Variants in PDE11A observed in about 807,000 individuals in gnomAD.
The protein encoded by PDE11A is phosphodiesterase 11A, also known as dual 3',5'-cyclic-AMP and -GMP phosphodiesterase 11A.
A neutral mutation model predicts 100.5 loss-of-function variants in PDE11A; 100 were observed. That is an observed-to-expected ratio of 1.00 (90% CI 0.85 to 1.18). The LOEUF (loss-of-function observed/expected upper bound fraction) is 1.18. Ranked by LOEUF, PDE11A falls within the 50% of genes most tolerant of loss-of-function variation. The pLI is 0.00. For missense variants in PDE11A, 1,141 were observed against 1,152.6 expected (o/e 0.99, Z 0.15); for synonymous variants, 381 against 420.8 (o/e 0.91, Z 1.16).
At chr2:177,926,717 T>A (rs1412246753) in intron 2 of PDE11A, among the ~76,000 whole-genome samples, 2 of 152,162 alleles carry the variant, frequency 1.3e-5, no homozygotes, top group South Asian at 4.3e-4. Flanking sequence ...GTGGTACAGA[T>A]AATATTTTAT....
At chr2:177,946,093 A>G (rs1426483004) in intron 2 of PDE11A, among the ~76,000 whole-genome samples, 1 of 82,826 alleles carries the variant, frequency 1.2e-5, no homozygotes, top group African/African-American at 5.4e-5. Context: ...CCCGTCCGGG[A>G]TGGAGGTGGG....
intron 2 of PDE11A, among the ~76,000 whole-genome samples, chr2:177,977,190 C>T (rs867676894): frequency 0.072 from 3,131 of 43,748 alleles, 157 homozygotes; most frequent in East Asian, 0.11. Context: ...TCTAGAAAAC[C>T]CCATCGTCTC....
intron 9 of PDE11A, among the ~76,000 whole-genome samples, chr2:177,799,355 T>C (rs1321194014): frequency 6.6e-6 from 1 of 152,170 alleles, no homozygotes; most frequent in East Asian, 1.9e-4. Context: ...TCATTAATTA[T>C]AACAAATGTA....
Position 178,071,922 on chromosome 2 carries a change from G to A in PDE11A, c.516C>T (p.Leu172=), listed in dbSNP as rs924238753. The change falls in exon 1 of 20, where the codon CTC becomes CTT. Residue 172 remains leucine (L), a synonymous_variant. Transcript: ENST00000286063. ...SSLPPTTAHI[L]SALLESRVNL... ...TCACTCTCGATTCCAGCAGCGCACT[G>A]AGAATATGGGCTGTGGTGGGGGGCA... 6.2e-7 allele frequency: 1 copy of A among 1,613,858 alleles called. No homozygotes were observed. The highest frequency in any genetic ancestry group is 2.2e-5 in the East Asian group (1 of 44,872).
At chr2:178,013,038 C>T (rs1331326202) in intron 2 of PDE11A, among the ~76,000 whole-genome samples, 3 of 152,198 alleles carry the variant, frequency 2.0e-5, no homozygotes, top group Non-Finnish European at 4.4e-5. Context: ...ACAACGTCCT[C>T]TCCTTCTCAT....
intron 2 of PDE11A, among the ~76,000 whole-genome samples, chr2:177,985,780 A>G (rs1353970413): frequency 1.3e-5 from 2 of 152,250 alleles, no homozygotes; most frequent in African/African-American, 4.8e-5. Flanking sequence ...CAGTACAAAG[A>G]CAAAAAGTGG....
At chr2:177,846,533 T>A (rs1181567527) in intron 5 of PDE11A, among the ~76,000 whole-genome samples, 1 of 152,164 alleles carries the variant, frequency 6.6e-6, no homozygotes, top group African/African-American at 2.4e-5. Flanking sequence ...GCTCATCACC[T>A]CCCCCTGATT....
intron 7 of PDE11A, among the ~76,000 whole-genome samples, chr2:177,819,890 C>CTCTCTCTCTCTCTCTCTCTG (rs1558954590): frequency 1.8e-3 from 254 of 138,740 alleles, no homozygotes; most frequent in African/African-American, 6.9e-3. Flanking sequence ...CTCTCTCTCT[C>CTCTCTCTCTCTCTCTCTCTG]TCTCTGTCTC....
At chr2:177,787,585 C>T (rs912912991) in intron 9 of PDE11A, among the ~76,000 whole-genome samples, 5 of 151,270 alleles carry the variant, frequency 3.3e-5, no homozygotes, top group Admixed American at 3.3e-4. Context: ...TTAAAAGACG[C>T]AGACTGGCAA....
chr2:177,897,204 T>A (rs1427779563), intron 4 of PDE11A, among the ~76,000 whole-genome samples: 1 of 152,156 alleles, frequency 6.6e-6, no homozygotes, highest in African/African-American at 2.4e-5. Flanking sequence ...TCAGCAAAAA[T>A]ATTAAATTGC....
intron 10 of PDE11A, among the ~76,000 whole-genome samples, chr2:177,768,350 C>T (rs556842646): frequency 6.6e-6 from 1 of 152,140 alleles, no homozygotes; most frequent in Admixed American, 6.5e-5. Context: ...AATTCTTAGG[C>T]CCAATGGTCT....
At chr2:178,043,571 T>C (rs1259780583) in intron 1 of PDE11A, among the ~76,000 whole-genome samples, 2 of 152,158 alleles carry the variant, frequency 1.3e-5, no homozygotes. Context: ...AGGCACTAAA[T>C]GAGACTTGTG....
chr2:177,679,965 C>A (rs553440273), intron 16 of PDE11A, among the ~76,000 whole-genome samples: 4 of 152,086 alleles, frequency 2.6e-5, no homozygotes, highest in Admixed American at 1.3e-4. Context: ...AAACTAGAGC[C>A]CTCTGGGGAG....
intron 2 of PDE11A, among the ~76,000 whole-genome samples, chr2:177,986,982 A>G (rs1033146167): frequency 6.6e-6 from 1 of 152,206 alleles, no homozygotes; most frequent in African/African-American, 2.4e-5. Flanking sequence ...TAAATATAAT[A>G]CTTAGTGTCC....
Position 177,883,332 on chromosome 2 carries a change from TCTTA to T in PDE11A, c.1303-7413_1303-7410del, listed in dbSNP as rs1489484898. Among the ~76,000 whole-genome samples, 21 of 152,082 alleles carry T rather than the reference TCTTA, an allele frequency of 1.4e-4. 1 individual carries two copies. The highest frequency in any genetic ancestry group is 3.9e-4 in the African/African-American group (16 of 41,498). ...CTCTTACTATGCTTCTTAATAAATC[TCTTA>T]CTTATGCCAATTTACTCTAATCATT... On this transcript the variant is annotated intron_variant, in intron 4 of 19. Coordinates refer to ENST00000286063, the MANE Select transcript of PDE11A (RefSeq NM_016953.4).
intron 2 of PDE11A, among the ~76,000 whole-genome samples, chr2:177,946,585 G>C (rs2085434753): frequency 1.9e-5 from 2 of 106,334 alleles, no homozygotes; most frequent in African/African-American, 7.1e-5. Context: ...GCCCCTACTG[G>C]GAAGTGAGGA....
rs985588334 is a variant in PDE11A, at chr2:177,839,489, C to G, written c.1500+762G>C. ...ACAAATACTCCAATTTCTTAACATG[C>G]CTTTCAAAGTTTTTTGGTGATCTGG... is the stretch of plus-strand genomic sequence containing the variant. On this transcript the variant is annotated intron_variant, in intron 6 of 19. Transcript: ENST00000286063. 4.3e-4 allele frequency among the ~76,000 whole-genome samples: 65 copies of G among 152,160 alleles called. 1 individual carries two copies. Among genetic ancestry groups the G allele is most frequent in the African/African-American group, 1.5e-3 (64 of 41,432 alleles).
intron 19 of PDE11A, among the ~76,000 whole-genome samples, chr2:177,654,583 C>T (rs369817375): frequency 6.6e-6 from 1 of 151,974 alleles, no homozygotes; most frequent in Non-Finnish European, 1.5e-5. Context: ...ATATTAAGAA[C>T]TTTATGTTGT....
chr2:177,995,324 G>C (rs1368132479), intron 2 of PDE11A, among the ~76,000 whole-genome samples: 1 of 152,110 alleles, frequency 6.6e-6, no homozygotes, highest in East Asian at 1.9e-4. Flanking sequence ...CCATAGCCAA[G>C]CTGACCAACT....
Sources: gnomAD v4.1 joint callset for allele counts (sites outside exome capture counted in the v4.1 genomes callset) on GRCh38, gnomAD v4.1.1 for gene constraint, MANE v1.5 for transcripts, NCBI Gene and HGNC (gene_info 2026-07-23, HGNC 2026-07-21) for gene names.